The following KCNK2 variants were observed in gnomAD, a reference collection of about 807,000 sequenced individuals.
KCNK2 encodes potassium two pore domain channel subfamily K member 2, also known as potassium channel subfamily K member 2.
Under a neutral mutation model 40.5 loss-of-function variants are expected in KCNK2, and 21 were observed. The observed-to-expected ratio is 0.52, with a 90% CI of 0.37 to 0.75. KCNK2 has a LOEUF of 0.75. Ranked by LOEUF, KCNK2 falls within the 30% of genes least tolerant of loss-of-function variation. The probability of loss-of-function intolerance (pLI) is 0.00; values close to 1 mark genes in which losing one functional copy is unlikely to be tolerated. For synonymous variants in KCNK2, 191 were observed against 202.2 expected (o/e 0.94, Z 0.47); for missense variants, 399 against 531.6 (o/e 0.75, Z 2.45).
intron 1 of KCNK2, among the ~76,000 whole-genome samples, chr1:215,070,340 T>C (rs929147512): frequency 6.8e-6 from 1 of 146,264 alleles, no homozygotes; most frequent in African/African-American, 2.6e-5. Flanking sequence ...GGCGTGAATC[T>C]GGGAGGCGGA....
At chr1:215,185,780 C>A (rs1366295842) in intron 5 of KCNK2, among the ~76,000 whole-genome samples, 2 of 152,168 alleles carry the variant, frequency 1.3e-5, no homozygotes, top group African/African-American at 4.8e-5. Flanking sequence ...GACGTCCCTT[C>A]CATAATGCAC....
chr1:215,109,368 C>T (rs1660579792), intron 2 of KCNK2, among the ~76,000 whole-genome samples: 1 of 152,074 alleles, frequency 6.6e-6, no homozygotes, highest in Non-Finnish European at 1.5e-5. Context: ...CGCCCACACA[C>T]CCTTCCTAGT....
intron 4 of KCNK2, 24 bp from the exon 5 acceptor site, chr1:215,171,973 C>G: frequency 6.5e-7 from 1 of 1,548,378 alleles, no homozygotes; most frequent in East Asian, 2.2e-5. Context: ...TATATATACA[C>G]ACACCTTTCT....
chr1:215,146,753 A>G (rs1050070966), intron 3 of KCNK2, among the ~76,000 whole-genome samples: 1 of 152,228 alleles, frequency 6.6e-6, no homozygotes, highest in Non-Finnish European at 1.5e-5. Context: ...CTGAATTAAT[A>G]GTTTAAATCT....
intron 6 of KCNK2, among the ~76,000 whole-genome samples, chr1:215,204,741 TG>T (rs1440369442): frequency 1.3e-5 from 2 of 152,170 alleles, no homozygotes; most frequent in African/African-American, 4.8e-5. Context: ...AAAATGAACT[TG>T]GTTTTAGTTC....
intron 1 of KCNK2, among the ~76,000 whole-genome samples, chr1:215,054,309 A>G (rs1210993109): frequency 1.3e-5 from 2 of 152,198 alleles, no homozygotes; most frequent in Admixed American, 6.5e-5. Flanking sequence ...AGTTACTTAC[A>G]CACAGCTCCT....
At chr1:215,130,553 G>A (rs1056221380) in intron 3 of KCNK2, among the ~76,000 whole-genome samples, 3 of 152,174 alleles carry the variant, frequency 2.0e-5, no homozygotes, top group African/African-American at 7.2e-5. Context: ...TGCTACTGGT[G>A]TCTGACTTGG....
chr1:215,027,374 T>C (rs1346536558), intron 1 of KCNK2, among the ~76,000 whole-genome samples: 2 of 152,190 alleles, frequency 1.3e-5, no homozygotes, highest in Non-Finnish European at 2.9e-5. Context: ...CATTGAGTCT[T>C]GGTTTTGGTA....
rs559316501 is a variant in KCNK2 at position 215,073,289 on chromosome 1, T to C, written c.35-13079T>C. 2.6e-4 allele frequency among the ~76,000 whole-genome samples: 40 copies of C among 152,248 alleles called. No homozygotes were observed. The South Asian group carries it at 7.1e-3, about 27-fold the overall frequency. ...ACATGTTTCTGTTACTTCAGCTACA[T>C]GAGTTTTTGGCACTTTGTTATAGCA... On this transcript the variant is annotated intron_variant, in intron 1 of 6. Coordinates refer to the KCNK2 transcript ENST00000391895.
chr1:215,236,901 T>A lies in KCNK2; in HGVS notation c.*1756T>A, dbSNP rs1392213253. 6.6e-6 allele frequency: 1 copy of A among 152,446 alleles called. No homozygotes were observed. The highest frequency in any genetic ancestry group is 2.4e-5 in the African/African-American group (1 of 41,426). 9.4% of individuals were successfully genotyped at this position (152,446 alleles called of 1,614,324 possible). ...TAAATTTAAGCTAGAAATGTAAATA[T>A]TCAATTAATTTGTTAAAAGTACTTT... is the stretch of plus-strand genomic sequence containing the variant. On this transcript the variant is annotated 3_prime_UTR_variant, in exon 7 of 7. Transcript: ENST00000444842.
chr1:215,160,738 GT>G (rs1293968707), intron 3 of KCNK2, among the ~76,000 whole-genome samples: 5 of 152,022 alleles, frequency 3.3e-5, no homozygotes, highest in Non-Finnish European at 7.4e-5. Flanking sequence ...AAGTGTTGGT[GT>G]TTTTTGGAAT....
intron 5 of KCNK2, among the ~76,000 whole-genome samples, chr1:215,173,550 C>A (rs933796414): frequency 6.6e-6 from 1 of 152,204 alleles, no homozygotes; most frequent in Admixed American, 6.6e-5. Flanking sequence ...GCCACACTGA[C>A]TTCCACAATG....
At chr1:215,144,072 C>T (rs192731628) in intron 3 of KCNK2, among the ~76,000 whole-genome samples, 173 of 152,110 alleles carry the variant, frequency 1.1e-3, no homozygotes, top group African/African-American at 4.0e-3. Flanking sequence ...TGTGAGAAAA[C>T]CTTGTATGAT....
At chr1:215,061,961 AGATT>A in intron 1 of KCNK2, among the ~76,000 whole-genome samples, 1 of 152,266 alleles carries the variant, frequency 6.6e-6, no homozygotes, top group African/African-American at 2.4e-5. Flanking sequence ...CTGGAATTAT[AGATT>A]GATTAATTAA....
intron 1 of KCNK2, among the ~76,000 whole-genome samples, chr1:215,032,602 G>T (rs1176865764): frequency 6.6e-6 from 1 of 151,978 alleles, no homozygotes; most frequent in Non-Finnish European, 1.5e-5. Flanking sequence ...ATTTTTGTTT[G>T]TCAGAAAAAT....
intron 6 of KCNK2, among the ~76,000 whole-genome samples, chr1:215,225,444 A>G (rs1227485390): frequency 6.6e-6 from 1 of 152,204 alleles, no homozygotes; most frequent in African/African-American, 2.4e-5. Flanking sequence ...ATTTCTATAA[A>G]TTATTGACTT....
chr1:215,200,691 C>T (rs916802790), intron 6 of KCNK2, among the ~76,000 whole-genome samples: 3 of 152,002 alleles, frequency 2.0e-5, no homozygotes, highest in Admixed American at 6.6e-5. Flanking sequence ...AACGAAGGGT[C>T]TAGGGTAGCA....
At chr1:215,182,609 G>A (rs138555703) in intron 5 of KCNK2, among the ~76,000 whole-genome samples, 240 of 152,294 alleles carry the variant, frequency 1.6e-3, no homozygotes, top group Non-Finnish European at 2.4e-3. Flanking sequence ...CTGTGACGGA[G>A]GAGAGCACAA....
intron 3 of KCNK2, among the ~76,000 whole-genome samples, chr1:215,131,394 T>C (rs890979406): frequency 6.8e-5 from 10 of 147,104 alleles, no homozygotes; most frequent in African/African-American, 1.5e-4. Context: ...TATAGTAATA[T>C]GTAATTAGTA....
Sources: allele counts gnomAD v4.1 joint callset (sites outside exome capture counted in the v4.1 genomes callset), GRCh38; gene constraint gnomAD v4.1.1; transcripts MANE v1.5; gene names NCBI Gene and HGNC (gene_info 2026-07-23, HGNC 2026-07-21).